The following RABEP1 variants were observed in gnomAD, a reference collection of about 807,000 sequenced individuals.
RABEP1 encodes rab GTPase-binding effector protein 1.
A neutral mutation model predicts 123.4 loss-of-function variants in RABEP1; 51 were observed. That is an observed-to-expected ratio of 0.41 (90% confidence interval 0.33 to 0.52). The LOEUF is 0.52. Among genes scored for constraint, RABEP1 ranks in the 20% least tolerant of loss-of-function variants. The pLI, the probability that RABEP1 is intolerant of heterozygous loss-of-function variation, is 0.16. For synonymous variants in RABEP1, 347 were observed against 355.2 expected, an observed-to-expected ratio of 0.98 and a Z score of 0.26; for missense variants, 888 against 996.3, an observed-to-expected ratio of 0.89 and a Z score of 1.46.
intron 16 of RABEP1, chr17:5,380,669 G>A (rs766680570): frequency 5.8e-5 from 33 of 566,804 alleles, no homozygotes; most frequent in Admixed American, 2.0e-4. Flanking sequence ...GGAGGCCTGC[G>A]TCATAGGCTA....
intron 2 of RABEP1, among the ~76,000 whole-genome samples, chr17:5,323,215 T>C (rs148714250): frequency 2.4e-3 from 361 of 152,252 alleles, no homozygotes; most frequent in African/African-American, 8.4e-3. Context: ...CTCAAAATAA[T>C]GAAGGCCATC....
At chr17:5,282,615 C>T (rs2074936643) in intron 1 of RABEP1, 95 bp downstream of exon 1, 2 of 883,356 alleles carry the variant, frequency 2.3e-6, no homozygotes, top group Admixed American at 1.1e-4. Context: ...GGCAAGGGCG[C>T]GCGCAGGCCC....
At chr17:5,362,796 A>G in intron 9 of RABEP1, 116 bp from the exon 10 acceptor site, 1 of 690,848 alleles carries the variant, frequency 1.4e-6, no homozygotes, top group Non-Finnish European at 2.6e-6. Context: ...AAGGCCCTGA[A>G]GAAAGTGTTT....
chr17:5,369,350 C>T (rs1910347176), intron 12 of RABEP1, among the ~76,000 whole-genome samples: 1 of 152,150 alleles, frequency 6.6e-6, no homozygotes, highest in Non-Finnish European at 1.5e-5. Flanking sequence ...CATCTGATGC[C>T]TCCAACTAAA....
intron 1 of RABEP1, among the ~76,000 whole-genome samples, chr17:5,293,630 C>G (rs1452642871): frequency 6.6e-6 from 1 of 152,158 alleles, no homozygotes; most frequent in African/African-American, 2.4e-5. Context: ...TGGTCTCAAA[C>G]TCCTGGGCTC....
At chr17:5,352,795 C>T (rs1908673626) in intron 7 of RABEP1, among the ~76,000 whole-genome samples, 1 of 152,140 alleles carries the variant, frequency 6.6e-6, no homozygotes, top group Non-Finnish European at 1.5e-5. Flanking sequence ...CACATCACTG[C>T]ACTCCAGCCT....
rs1401365626 is a variant in RABEP1 at position 5,332,151 on chromosome 17, A to G, written c.366A>G (p.Lys122=). 1 of 1,612,944 alleles carries G rather than the reference A, an allele frequency of 6.2e-7. No homozygotes were observed. ...EEVASLQAVM[K]ETVRDYEHQF... is the part of the protein sequence containing the mutation. ...TTGCTTCACTTCAGGCTGTTATGAA[A>G]GGTAAAGACAGAGAAAGATCAATTT... Residue 122 remains lysine, a splice_region_variant and synonymous_variant, in exon 3 of 18, where the codon AAA becomes AAG. Transcript: ENST00000537505.
intron 2 of RABEP1, among the ~76,000 whole-genome samples, chr17:5,323,265 G>T (rs1157753599): frequency 6.6e-6 from 1 of 152,114 alleles, no homozygotes; most frequent in Non-Finnish European, 1.5e-5. Context: ...TACTGGATGG[G>T]GAAGAGTTGA....
At chr17:5,284,654 C>T (rs989922793) in intron 1 of RABEP1, among the ~76,000 whole-genome samples, 1 of 151,530 alleles carries the variant, frequency 6.6e-6, no homozygotes, top group South Asian at 2.1e-4. Flanking sequence ...TTTGTAGATA[C>T]GGCGTTTTGC....
At chr17:5,313,777 C>A (rs1023311925) in intron 2 of RABEP1, among the ~76,000 whole-genome samples, 6 of 151,500 alleles carry the variant, frequency 4.0e-5, no homozygotes, top group Non-Finnish European at 7.4e-5. Flanking sequence ...TACAAAATTT[C>A]AAAAAAAATA....
rs1567562406 is a variant in RABEP1 at position 5,386,285 on chromosome 17, G to A, written c.*3062G>A. Reference sequence around the variant, plus strand: ...ATGTTCACCCCTGTAAAATTGTAAAGTCACTCACTTTTGGAATTATAATAA... The same window carrying A: ...ATGTTCACCCCTGTAAAATTGTAAAATCACTCACTTTTGGAATTATAATAA... On this transcript the variant is annotated 3_prime_UTR_variant, in exon 18 of 18. Transcript: ENST00000537505. 6.3e-7 allele frequency: 1 copy of A among 1,582,872 alleles called. No homozygotes were observed. Among genetic ancestry groups the A allele is most frequent in the East Asian group, 2.2e-5 (1 of 44,608 alleles).
chr17:5,372,376 G>A (rs746672167), intron 12 of RABEP1, among the ~76,000 whole-genome samples: 13 of 151,494 alleles, frequency 8.6e-5, no homozygotes, highest in Non-Finnish European at 1.6e-4. Context: ...ACCGGGACTC[G>A]GGAGGTGGAG....
Position 5,377,288 on chromosome 17 carries a change from A to C in RABEP1, c.2198A>C (p.Asn733Thr). The C allele has an allele frequency of 6.3e-7, 1 of 1,585,400 alleles. No individual in the cohort carries two copies. Among genetic ancestry groups the C allele is most frequent in the Non-Finnish European group, 8.5e-7 (1 of 1,173,012 alleles). Residue 733 changes from asparagine (N) to threonine (T), a missense_variant, in exon 14 of 18, where the codon AAC (asparagine) becomes ACC (threonine). By Grantham distance (65) the Asn-to-Thr change is moderately conservative. Coordinates refer to ENST00000537505, the MANE Select transcript of RABEP1 (RefSeq NM_004703.6). The part of the protein sequence containing the change: ...LEETLQLEIE[N>T]CKEEIASISS... ...GAAACTCTGCAACTAGAAATAGAAA[A>C]CTGCAAGGAGGAAATAGGTGAAGAT...
At chr17:5,302,067 G>A (rs1160328301) in intron 1 of RABEP1, among the ~76,000 whole-genome samples, 1 of 152,022 alleles carries the variant, frequency 6.6e-6, no homozygotes, top group Non-Finnish European at 1.5e-5. Context: ...CTTTGACTAA[G>A]TTTAGTTTGA....
At chr17:5,343,670 CTTTTTTTT>C (rs753410845) in intron 5 of RABEP1, among the ~76,000 whole-genome samples, 32 of 99,940 alleles carry the variant, frequency 3.2e-4, no homozygotes, top group South Asian at 3.9e-4. Context: ...TTTCTTTTCT[CTTTTTTTT>C]TTTTTTTTTT....
chr17:5,332,561 T>G (rs1162639390), intron 3 of RABEP1, among the ~76,000 whole-genome samples: 1 of 151,624 alleles, frequency 6.6e-6, no homozygotes, highest in Non-Finnish European at 1.5e-5. Context: ...AGCTAATTAT[T>G]GCCCTTCCAG....
chr17:5,380,293 A>G (rs1911342118), intron 15 of RABEP1, 71 bp from the exon 16 acceptor site: 1 of 1,010,426 alleles, frequency 9.9e-7, no homozygotes, highest in Non-Finnish European at 1.5e-6. Context: ...TCCAGGCTCT[A>G]GGCTCTTTTA....
intron 2 of RABEP1, among the ~76,000 whole-genome samples, chr17:5,325,190 T>C (rs1905850221): frequency 6.6e-6 from 1 of 151,740 alleles, no homozygotes; most frequent in African/African-American, 2.4e-5. Flanking sequence ...CCAAAAATTA[T>C]CTAGGCGTAG....
At chr17:5,337,651 GCA>G (rs1171831932) in intron 4 of RABEP1, among the ~76,000 whole-genome samples, 6 of 152,038 alleles carry the variant, frequency 3.9e-5, no homozygotes, top group South Asian at 2.1e-4. Flanking sequence ...GGAGATCGTG[GCA>G]CTGCACTCCA....
Sources: allele counts gnomAD v4.1 joint callset (sites outside exome capture counted in the v4.1 genomes callset), GRCh38; gene constraint gnomAD v4.1.1; transcripts MANE v1.5; gene names NCBI Gene and HGNC (gene_info 2026-07-23, HGNC 2026-07-21).